The following GTF2B variants were observed in gnomAD, a reference collection of about 807,000 sequenced individuals.
The protein encoded by GTF2B is transcription initiation factor IIB.
In GTF2B, 20 loss-of-function variants were observed where a neutral mutation model predicts 34.6. The ratio of observed to expected loss-of-function variants is 0.58; its 90% CI spans 0.41 to 0.84. GTF2B has a LOEUF of 0.84. Ranked by LOEUF, GTF2B falls within the 40% of genes least tolerant of loss-of-function variation. The pLI, the probability that GTF2B is intolerant of heterozygous loss-of-function variation, is 0.00. For missense variants in GTF2B, 237 were observed against 393.3 expected (o/e 0.60, Z 3.36); for synonymous variants, 142 against 132.4 (o/e 1.07, Z -0.50).
chr1:88,888,897 T>C (rs2100982659), intron 1 of GTF2B, among the ~76,000 whole-genome samples: 1 of 152,322 alleles, frequency 6.6e-6, no homozygotes, highest in East Asian at 1.9e-4. Flanking sequence ...GGGGAATGAC[T>C]GAGGACAGAG....
At chr1:88,886,307 TTAAG>T (rs1190078009) in intron 2 of GTF2B, among the ~76,000 whole-genome samples, 1 of 152,116 alleles carries the variant, frequency 6.6e-6, no homozygotes, top group Non-Finnish European at 1.5e-5. Context: ...ATTTTCATTC[TTAAG>T]TAATTCAAAC....
In GTF2B at chr1:88,871,380, T is replaced by G. The variant is rs952526804; in HGVS notation, c.125-7266A>C. On this transcript the variant is annotated intron_variant, in intron 2 of 6. Transcript: ENST00000370500. Reference sequence around the variant, plus strand: ...ACATGTCTATAAAGAGATAACTTTATGGAAGCTTCTTACACCATCCTTATT... The same window carrying G: ...ACATGTCTATAAAGAGATAACTTTAGGGAAGCTTCTTACACCATCCTTATT... Among the ~76,000 whole-genome samples the G allele has an allele frequency of 2.0e-5, 3 of 152,246 alleles. No individual in the cohort carries two copies. The East Asian group carries it at 5.8e-4, about 29-fold the overall frequency.
intron 2 of GTF2B, among the ~76,000 whole-genome samples, chr1:88,864,995 A>T (rs1457355613): frequency 6.6e-6 from 1 of 152,202 alleles, no homozygotes; most frequent in Non-Finnish European, 1.5e-5. Flanking sequence ...GTAAAACATG[A>T]CCTTTTTCAG....
intron 2 of GTF2B, among the ~76,000 whole-genome samples, chr1:88,886,176 A>G (rs1467556468): frequency 6.6e-6 from 1 of 152,176 alleles, no homozygotes. Flanking sequence ...CCTATTAGCA[A>G]CTCTATACTT....
At chr1:88,885,238 AGAC>A (rs1392459522) in intron 2 of GTF2B, among the ~76,000 whole-genome samples, 5 of 151,958 alleles carry the variant, frequency 3.3e-5, no homozygotes, top group African/African-American at 1.2e-4. Context: ...CAGGAGTTCA[AGAC>A]CAGCCTGGCC....
At position 88,857,483 on chromosome 1, in the gene GTF2B, T is replaced by A. The variant is rs1673338870; in HGVS notation, c.540A>T (p.Ile180=). The A allele has an allele frequency of 1.3e-6, 2 of 1,545,664 alleles. No homozygotes were observed. The highest frequency in any genetic ancestry group is 1.1e-5 in the South Asian group (1 of 87,808). The change falls in exon 6 of 7, where the codon ATA becomes ATT. Residue 180 remains isoleucine, a synonymous_variant. Transcript: ENST00000370500. ...QEGVPRTFKE[I]CAVSRISKKE... ...TCTTAGAAATTCGTGATACGGCACATATTTCTAAAAGAAAAAAAATTAAAT... is the reference window on the plus strand; with the variant it reads ...TCTTAGAAATTCGTGATACGGCACAAATTTCTAAAAGAAAAAAAATTAAAT...
rs1439496315 is a variant in GTF2B at position 88,857,305 on chromosome 1, C to T, written c.718G>A (p.Val240Met). The change falls in exon 6 of 7, where the codon GTG becomes ATG. Residue 240 changes from valine to methionine, a missense_variant. Val to Met is a conservative substitution (Grantham distance 21). This residue lies in a region of GTF2B where 78 missense variants were observed against 116.6 expected (regional missense o/e 0.67). Coordinates refer to ENST00000370500, the MANE Select transcript of GTF2B (RefSeq NM_001514.6). ...CTCCCAGGAACCAAGTCCAGTTCCA[C>T]AGCTTTACGGGCTATATGTGTAGCT... Reference protein sequence around the residue: ...MAATHIARKAVELDLVPGRSP... With the variant: ...MAATHIARKAMELDLVPGRSP... 3 of 1,613,682 alleles carry T rather than the reference C, an allele frequency of 1.9e-6. No homozygotes were observed.
At chr1:88,871,935 G>A (rs1228541520) in intron 2 of GTF2B, among the ~76,000 whole-genome samples, 2 of 151,852 alleles carry the variant, frequency 1.3e-5, no homozygotes, top group East Asian at 1.9e-4. Context: ...GTTTCACCAC[G>A]TTGGCCAGGC....
chr1:88,889,813 G>C (rs1435429338), intron 1 of GTF2B, among the ~76,000 whole-genome samples: 1 of 152,154 alleles, frequency 6.6e-6, no homozygotes, highest in Non-Finnish European at 1.5e-5. Flanking sequence ...GGACCCAGGA[G>C]TTCAGGACCA....
At chr1:88,870,896 CTTTTTTTTTTTTT>C (rs1022965980) in intron 2 of GTF2B, among the ~76,000 whole-genome samples, 3 of 109,186 alleles carry the variant, frequency 2.7e-5, no homozygotes, top group African/African-American at 3.8e-5. Context: ...CTTACACAGT[CTTTTTTTTTTTTT>C]TTTTTTTTTT....
intron 2 of GTF2B, among the ~76,000 whole-genome samples, chr1:88,869,661 T>C (rs1192532920): frequency 1.3e-5 from 2 of 152,126 alleles, no homozygotes; most frequent in East Asian, 3.9e-4. Flanking sequence ...GGAGTCTCAC[T>C]CTTTTGCCCA....
intron 6 of GTF2B, 84 bp downstream of exon 6, chr1:88,857,122 T>C (rs1388983271): frequency 7.0e-6 from 9 of 1,280,424 alleles, no homozygotes; most frequent in Non-Finnish European, 9.9e-6. Flanking sequence ...TCTTGCTATT[T>C]ACCCGGTTCA....
intron 1 of GTF2B, chr1:88,887,760 G>A (rs1310133771): frequency 4.5e-6 from 1 of 222,960 alleles, no homozygotes; most frequent in African/African-American, 2.4e-5. Context: ...TCTAGTCAGA[G>A]AACAATTTCT....
chr1:88,885,285 AAC>A (rs61353610), intron 2 of GTF2B, among the ~76,000 whole-genome samples: 17,694 of 151,594 alleles, frequency 0.12, 2,490 homozygotes, highest in African/African-American at 0.34. Flanking sequence ...CTAAAAATAC[AAC>A]AAGTTAGCCA....
At chr1:88,886,423 G>C (rs530176732) in intron 2 of GTF2B, among the ~76,000 whole-genome samples, 1 of 152,296 alleles carries the variant, frequency 6.6e-6, no homozygotes, top group African/African-American at 2.4e-5. Flanking sequence ...ATCTAGATTA[G>C]TGTGCAAGTA....
At chr1:88,863,425 C>T (rs752086491) in intron 3 of GTF2B, among the ~76,000 whole-genome samples, 35 of 152,196 alleles carry the variant, frequency 2.3e-4, no homozygotes, top group South Asian at 2.1e-4. Context: ...CTCACTGCAA[C>T]CTCCGCCTCC....
intron 3 of GTF2B, among the ~76,000 whole-genome samples, chr1:88,860,626 TAG>T (rs1673412555): frequency 6.6e-6 from 1 of 152,086 alleles, no homozygotes; most frequent in Non-Finnish European, 1.5e-5. Context: ...CATGACCAAC[TAG>T]AGATTGTTCC....
At chr1:88,857,971 T>G (rs1396219988) in intron 5 of GTF2B, among the ~76,000 whole-genome samples, 1 of 151,350 alleles carries the variant, frequency 6.6e-6, no homozygotes, top group Non-Finnish European at 1.5e-5. Flanking sequence ...CATGAGCCAC[T>G]GCGCCTGGCC....
chr1:88,878,546 G>C (rs1197404216), intron 2 of GTF2B, among the ~76,000 whole-genome samples: 1 of 152,218 alleles, frequency 6.6e-6, no homozygotes, highest in Admixed American at 6.5e-5. Flanking sequence ...GACAGTAAAT[G>C]TGTGACAATT....
Sources: allele counts gnomAD v4.1 joint callset (sites outside exome capture counted in the v4.1 genomes callset), GRCh38; gene constraint gnomAD v4.1.1; regional missense constraint gnomAD v4.1.1; transcripts MANE v1.5; gene names NCBI Gene and HGNC (gene_info 2026-07-23, HGNC 2026-07-21).